Variants in TAOK1 observed in about 807,000 individuals in gnomAD.
TAOK1 encodes TAO kinase 1.
A neutral mutation model predicts 138.3 loss-of-function variants in TAOK1; 21 were observed. That is an observed-to-expected ratio of 0.15 (90% CI 0.11 to 0.22). The LOEUF (loss-of-function observed/expected upper bound fraction) is 0.22. Among genes scored for constraint, TAOK1 ranks in the 10% least tolerant of loss-of-function variants. The probability of loss-of-function intolerance (pLI) is 1.00; values close to 1 mark genes in which losing one functional copy is unlikely to be tolerated. For synonymous variants in TAOK1, 361 were observed against 398.4 expected (o/e 0.91, Z 1.12); for missense variants, 651 against 1,227.7 (o/e 0.53, Z 7.02).
chr17:29,502,728 G>A lies in TAOK1; in HGVS notation c.1338+5G>A, dbSNP rs1245916665. The A allele has an allele frequency of 1.2e-6, 2 of 1,606,854 alleles. No individual in the cohort carries two copies. The highest frequency in any genetic ancestry group is 1.7e-6 in the Non-Finnish European group (2 of 1,177,766). ...ACTATACGGACAGCATCACTGGTAT[G>A]TACTTACCCGAATTAGAGATAAATA... On this transcript the variant is annotated splice_donor_5th_base_variant and intron_variant, in intron 13 of 19. Transcript: ENST00000261716.
intron 2 of TAOK1, among the ~76,000 whole-genome samples, chr17:29,461,122 T>C (rs1353482592): frequency 6.6e-6 from 1 of 152,180 alleles, no homozygotes; most frequent in Non-Finnish European, 1.5e-5. Context: ...GTCAGATATC[T>C]GGAGCTGGTT....
chr17:29,503,181 G>A (rs1244748818), intron 13 of TAOK1, among the ~76,000 whole-genome samples: 1 of 152,050 alleles, frequency 6.6e-6, no homozygotes, highest in African/African-American at 2.4e-5. Context: ...CGGATCACGA[G>A]GTCAGGAGAT....
intron 17 of TAOK1, among the ~76,000 whole-genome samples, chr17:29,528,475 C>T (rs146178438): frequency 1.1e-3 from 164 of 152,204 alleles, no homozygotes; most frequent in Admixed American, 3.4e-3. Flanking sequence ...TTAGTAATTC[C>T]TAATAGAGAT....
chr17:29,464,408 C>G (rs1204682548), intron 2 of TAOK1, among the ~76,000 whole-genome samples: 1 of 148,114 alleles, frequency 6.8e-6, no homozygotes, highest in Non-Finnish European at 1.5e-5. Flanking sequence ...CGCAGCGCTG[C>G]ACTCCAGCCT....
chr17:29,462,952 TGTTA>T (rs2030565274), intron 2 of TAOK1, among the ~76,000 whole-genome samples: 1 of 152,206 alleles, frequency 6.6e-6, no homozygotes, highest in Admixed American at 6.6e-5. Context: ...TTGTGTTCTT[TGTTA>T]GTTACTTATA....
chr17:29,424,445 A>T (rs1245707930), intron 1 of TAOK1, among the ~76,000 whole-genome samples: 1 of 151,380 alleles, frequency 6.6e-6, no homozygotes, highest in Non-Finnish European at 1.5e-5. Context: ...TCAAAAAAAA[A>T]AAAAAAAAAA....
chr17:29,520,850 C>T (rs2031902420), intron 16 of TAOK1, among the ~76,000 whole-genome samples: 2 of 151,534 alleles, frequency 1.3e-5, no homozygotes. Context: ...ATGGTGAAAA[C>T]CCATCTATAC....
At chr17:29,503,939 C>T (rs1264972251) in intron 13 of TAOK1, among the ~76,000 whole-genome samples, 2 of 151,930 alleles carry the variant, frequency 1.3e-5, no homozygotes, top group Non-Finnish European at 2.9e-5. Flanking sequence ...GGCGAAACCC[C>T]GTCTCTGCTA....
intron 1 of TAOK1, among the ~76,000 whole-genome samples, chr17:29,439,105 A>C (rs775875214): frequency 3.3e-5 from 5 of 152,200 alleles, no homozygotes; most frequent in Non-Finnish European, 7.3e-5. Flanking sequence ...TGCTAAGCAC[A>C]ATATAATTGT....
intron 1 of TAOK1, among the ~76,000 whole-genome samples, chr17:29,395,718 C>T (rs1449588964): frequency 2.0e-5 from 3 of 147,028 alleles, no homozygotes; most frequent in East Asian, 2.0e-4. Context: ...AATGCAATAG[C>T]GTGATCACAG....
chr17:29,518,223 C>T (rs114350714), intron 16 of TAOK1, among the ~76,000 whole-genome samples: 1,673 of 152,188 alleles, frequency 0.011, 37 homozygotes, highest in African/African-American at 0.037. Flanking sequence ...AACTGTAATC[C>T]GAACACTTTG....
At chr17:29,525,814 T>C (rs2031999970) in intron 17 of TAOK1, among the ~76,000 whole-genome samples, 1 of 152,152 alleles carries the variant, frequency 6.6e-6, no homozygotes, top group South Asian at 2.1e-4. Context: ...CTGGCCAACA[T>C]GGTGAAACCT....
intron 1 of TAOK1, among the ~76,000 whole-genome samples, chr17:29,397,791 ATG>A (rs747911265): frequency 7.4e-4 from 110 of 148,582 alleles, no homozygotes; most frequent in Admixed American, 1.5e-3. Flanking sequence ...GTGTGTATAT[ATG>A]TATATTCATG....
At chr17:29,416,874 A>G (rs969333212) in intron 1 of TAOK1, among the ~76,000 whole-genome samples, 7 of 152,186 alleles carry the variant, frequency 4.6e-5, no homozygotes, top group African/African-American at 1.4e-4. Flanking sequence ...GTTAAATGCA[A>G]TTACAATCAA....
intron 3 of TAOK1, among the ~76,000 whole-genome samples, chr17:29,469,614 C>T (rs568921437): frequency 1.3e-5 from 2 of 152,254 alleles, no homozygotes; most frequent in East Asian, 3.9e-4. Flanking sequence ...AAAGTTCATC[C>T]ATGTTGTAGT....
chr17:29,528,839 CAAAAAAA>C (rs58073512), intron 17 of TAOK1, among the ~76,000 whole-genome samples: 382 of 69,444 alleles, frequency 5.5e-3, no homozygotes, highest in African/African-American at 0.02. Context: ...GACTCCGTCT[CAAAAAAA>C]AAAAAAAAAA....
chr17:29,414,857 CCT>C (rs1229032418), intron 1 of TAOK1, among the ~76,000 whole-genome samples: 3 of 152,158 alleles, frequency 2.0e-5, no homozygotes, highest in African/African-American at 7.2e-5. Context: ...CCGCACCCTG[CCT>C]ACTTTATTTT....
At chr17:29,454,605 CA>C (rs1306642199) in intron 2 of TAOK1, among the ~76,000 whole-genome samples, 9 of 152,056 alleles carry the variant, frequency 5.9e-5, no homozygotes, top group Admixed American at 5.9e-4. Context: ...TCTTTCTAAA[CA>C]TTTATTTATA....
intron 1 of TAOK1, among the ~76,000 whole-genome samples, chr17:29,402,254 T>C (rs1243519519): frequency 1.3e-5 from 2 of 152,158 alleles, no homozygotes; most frequent in South Asian, 2.1e-4. Context: ...TCACACACTA[T>C]GTGTGAGTGC....
Sources: allele counts gnomAD v4.1 joint callset (sites outside exome capture counted in the v4.1 genomes callset), GRCh38; gene constraint gnomAD v4.1.1; transcripts MANE v1.5; gene names NCBI Gene and HGNC (gene_info 2026-07-23, HGNC 2026-07-21).